Variants in EDNRB observed in about 807,000 individuals in gnomAD.
EDNRB encodes the protein endothelin receptor type B.
In EDNRB, 18 loss-of-function variants were observed where a neutral mutation model predicts 46.4. That is an observed-to-expected ratio of 0.39 (90% confidence interval 0.27 to 0.57). The LOEUF (loss-of-function observed/expected upper bound fraction) is 0.57. Ranked by LOEUF, EDNRB falls within the 20% of genes least tolerant of loss-of-function variation. The probability of loss-of-function intolerance (pLI) is 0.61; values close to 1 mark genes in which losing one functional copy is unlikely to be tolerated. For synonymous variants in EDNRB, 213 were observed against 204.9 expected (o/e 1.04, Z -0.34); for missense variants, 434 against 537.5 (o/e 0.81, Z 1.90).
chr13:77,963,716 A>G (rs1881495480), intron 1 of EDNRB, among the ~76,000 whole-genome samples: 1 of 152,236 alleles, frequency 6.6e-6, no homozygotes, highest in South Asian at 2.1e-4. Context: ...ATGGGCAAGG[A>G]TTTCATGTCT....
rs150201341 is a variant in EDNRB at position 77,929,050 on chromosome 13, C to T, written c.-51-10426G>A. On this transcript the variant is annotated intron_variant, in intron 1 of 7. Transcript: ENST00000646948. Reference sequence around the variant, plus strand: ...ATCAGCTATAAATTTTAGGTTCAGACGTTGATGAAGGTCAAAAGGTTAGTG... The same window carrying T: ...ATCAGCTATAAATTTTAGGTTCAGATGTTGATGAAGGTCAAAAGGTTAGTG... Among the ~76,000 whole-genome samples, 324 of 152,246 alleles carry T rather than the reference C, an allele frequency of 2.1e-3. 1 individual carries two copies. The highest frequency in any genetic ancestry group is 7.4e-3 in the African/African-American group (307 of 41,550).
intron 1 of EDNRB, among the ~76,000 whole-genome samples, chr13:77,940,954 A>G (rs1880728154): frequency 6.6e-6 from 1 of 152,224 alleles, no homozygotes; most frequent in Non-Finnish European, 1.5e-5. Flanking sequence ...CATGTTTTAT[A>G]CTATTGATTA....
At chr13:77,919,063 T>A, upstream of EDNRB, 1 of 522,368 alleles carries the variant, frequency 1.9e-6, no homozygotes, top group Non-Finnish European at 2.9e-6. Flanking sequence ...GGAACCTCTA[T>A]ACCCCGCGAT....
intron 1 of EDNRB, among the ~76,000 whole-genome samples, chr13:77,953,047 A>G (rs1199742072): frequency 2.6e-5 from 4 of 152,318 alleles, no homozygotes; most frequent in African/African-American, 9.6e-5. Flanking sequence ...GAAAGAAAGA[A>G]CAACCATCTT....
chr13:77,975,166 G>A (rs1450713204), intron 1 of EDNRB, among the ~76,000 whole-genome samples: 6 of 152,112 alleles, frequency 3.9e-5, no homozygotes, highest in South Asian at 2.1e-4. Flanking sequence ...GCACACCATC[G>A]GTGATCAGGC....
Position 77,958,426 on chromosome 13 carries a change from G to A in EDNRB, c.-52+16921C>T, listed in dbSNP as rs146833011. On this transcript the variant is annotated intron_variant, in intron 1 of 7. Coordinates refer to the EDNRB transcript ENST00000646948. The stretch of plus-strand genomic sequence containing the variant: ...GTCTCGCTGTCTCCCAGGCTGGAGC[G>A]CAGTGGTGCAATATCAGCTCACTGC... Among the ~76,000 whole-genome samples the A allele has an allele frequency of 1.0e-2, 1,518 of 151,856 alleles. 24 individuals carry two copies. Among genetic ancestry groups the A allele is most frequent in the African/African-American group, 0.034 (1,391 of 41,416 alleles).
chr13:77,973,398 CTT>C (rs1159070489), intron 1 of EDNRB, among the ~76,000 whole-genome samples: 2 of 152,200 alleles, frequency 1.3e-5, no homozygotes, highest in East Asian at 1.9e-4. Flanking sequence ...TTTATAGACT[CTT>C]TTTAACATTT....
chr13:77,919,717 C>T, upstream of EDNRB: 1 of 1,179,772 alleles, frequency 8.5e-7, no homozygotes. Flanking sequence ...GTAGTAGTTG[C>T]CCGAGGGAGG....
chr13:77,938,953 C>T (rs1880650621), intron 1 of EDNRB, among the ~76,000 whole-genome samples: 1 of 152,156 alleles, frequency 6.6e-6, no homozygotes, highest in Non-Finnish European at 1.5e-5. Flanking sequence ...AAGGGAGGTC[C>T]CCCTATCTGA....
intron 1 of EDNRB, among the ~76,000 whole-genome samples, chr13:77,960,812 C>T (rs907847048): frequency 8.5e-5 from 12 of 140,574 alleles, no homozygotes; most frequent in African/African-American, 3.2e-4. Context: ...TGCAGAGACA[C>T]ACATAGGCTC....
chr13:77,895,721 A>C lies in EDNRB; in HGVS notation c.*2479T>G, dbSNP rs937298820. 1.3e-5 allele frequency: 2 copies of C among 152,016 alleles called. No individual in the cohort carries two copies. Among genetic ancestry groups the C allele is most frequent in the Non-Finnish European group, 1.5e-5 (1 of 67,924 alleles). 9.4% of individuals were successfully genotyped at this position (152,016 alleles called of 1,614,324 possible). On this transcript the variant is annotated 3_prime_UTR_variant, in exon 7 of 7. Transcript: ENST00000646607. ...ACTATAGCCACTTTAGGCAACCAAA[A>C]AATCCTCCCAGATATATAATTTTTT...
At chr13:77,948,949 A>G (rs1881011079) in intron 1 of EDNRB, among the ~76,000 whole-genome samples, 1 of 152,232 alleles carries the variant, frequency 6.6e-6, no homozygotes, top group Non-Finnish European at 1.5e-5. Flanking sequence ...TTATTCACAC[A>G]TTTATTTGGA....
At chr13:77,967,293 A>C (rs1180178956) in intron 1 of EDNRB, among the ~76,000 whole-genome samples, 1 of 152,174 alleles carries the variant, frequency 6.6e-6, no homozygotes, top group Non-Finnish European at 1.5e-5. Context: ...CTAAATAAAC[A>C]TCTTTTGCAG....
At chr13:77,930,009 C>G (rs184680329) in intron 1 of EDNRB, among the ~76,000 whole-genome samples, 15 of 152,282 alleles carry the variant, frequency 9.9e-5, no homozygotes, top group South Asian at 2.1e-4. Flanking sequence ...GATAAACTTT[C>G]TTAGCAAAGG....
upstream of EDNRB, chr13:77,919,148 G>T (rs1251830562): frequency 3.8e-6 from 2 of 531,664 alleles, no homozygotes; most frequent in East Asian, 3.6e-5. Context: ...CCCGCAGCGC[G>T]CCCAGGAGTG....
At chr13:77,963,487 T>C (rs1881487282) in intron 1 of EDNRB, among the ~76,000 whole-genome samples, 1 of 152,164 alleles carries the variant, frequency 6.6e-6, no homozygotes, top group African/African-American at 2.4e-5. Context: ...CAATCTGATC[T>C]TTGATAAACC....
intron 1 of EDNRB, among the ~76,000 whole-genome samples, chr13:77,947,995 G>A (rs1880980836): frequency 6.6e-6 from 1 of 152,096 alleles, no homozygotes; most frequent in African/African-American, 2.4e-5. Context: ...TTAGAAGGGA[G>A]TGGGTAATTA....
Position 77,918,547 on chromosome 13 carries a change from T to C in EDNRB, c.27A>G (p.Gly9=). MQPPPSLC[G]RALVALVLAC... ...CAAGAACCAGCGCAACCAGGGCGCG[T>C]CCGCACAGACTTGGAGGCGGCTGCA... The change falls in exon 1 of 7, where the codon GGA becomes GGG. Residue 9 remains glycine, a synonymous_variant. Coordinates refer to ENST00000646607, the MANE Select transcript of EDNRB (RefSeq NM_001122659.3). This position sits in a 1 kb window ranked among gnomAD's most constrained non-coding sequence, Gnocchi z 4.5. 1 of 1,597,246 alleles carries C rather than the reference T, an allele frequency of 6.3e-7. No homozygotes were observed. The highest frequency in any genetic ancestry group is 8.5e-7 in the Non-Finnish European group (1 of 1,174,382).
intron 1 of EDNRB, among the ~76,000 whole-genome samples, chr13:77,933,448 T>G (rs1261395404): frequency 6.6e-6 from 1 of 152,036 alleles, no homozygotes; most frequent in East Asian, 1.9e-4. Flanking sequence ...TAGGGGAGCT[T>G]TTGAGCCAGG....
Sources: gnomAD v4.1 joint callset for allele counts (sites outside exome capture counted in the v4.1 genomes callset) on GRCh38, gnomAD v4.1.1 for gene constraint, Gnocchi (gnomAD v3.1) non-coding constraint, MANE v1.5 for transcripts, NCBI Gene and HGNC (gene_info 2026-07-23, HGNC 2026-07-21) for gene names.